ZNF804B: variants seen among roughly 807,000 people sequenced by gnomAD.
The protein encoded by ZNF804B is zinc finger 804B.
A neutral mutation model predicts 101.4 loss-of-function variants in ZNF804B; 80 were observed. The ratio of observed to expected loss-of-function variants is 0.79; its 90% CI spans 0.66 to 0.95. The LOEUF (loss-of-function observed/expected upper bound fraction) is 0.95, where lower values mean the gene tolerates loss of function less well. Ranked by LOEUF, ZNF804B falls within the 40% of genes least tolerant of loss-of-function variation. ZNF804B has a pLI of 0.00. For missense variants in ZNF804B, 1,673 were observed against 1,561.9 expected, an observed-to-expected ratio of 1.07 and a Z score of -1.20; for synonymous variants, 622 against 558.8, an observed-to-expected ratio of 1.11 and a Z score of -1.59.
chr7:89,168,517 C>A (rs1791175779), intron 1 of ZNF804B, among the ~76,000 whole-genome samples: 1 of 151,878 alleles, frequency 6.6e-6, no homozygotes, highest in African/African-American at 2.4e-5. Flanking sequence ...CTCAAAAGTC[C>A]TAATGGGCAA....
intron 1 of ZNF804B, among the ~76,000 whole-genome samples, chr7:88,937,200 A>G (rs538138254): frequency 6.6e-6 from 1 of 152,096 alleles, no homozygotes; most frequent in Admixed American, 6.6e-5. Flanking sequence ...AAAAACAAAT[A>G]ATGAAAAAGA....
chr7:88,989,555 A>C (rs1055489345), intron 1 of ZNF804B, among the ~76,000 whole-genome samples: 2 of 152,106 alleles, frequency 1.3e-5, no homozygotes, highest in African/African-American at 4.8e-5. Flanking sequence ...GCTCAGGCTT[A>C]GAGTTTCTAC....
At chr7:88,894,605 A>G (rs1443232562) in intron 1 of ZNF804B, among the ~76,000 whole-genome samples, 2 of 152,206 alleles carry the variant, frequency 1.3e-5, no homozygotes, top group African/African-American at 2.4e-5. Flanking sequence ...GAGGCAACCA[A>G]GATATCCTTC....
chr7:88,883,319 CTTTG>C (rs948914744), intron 1 of ZNF804B, among the ~76,000 whole-genome samples: 1 of 151,884 alleles, frequency 6.6e-6, no homozygotes, highest in Non-Finnish European at 1.5e-5. Flanking sequence ...TCCTTTTTTT[CTTTG>C]TCTTCCACGT....
chr7:89,119,814 A>C (rs1248874118), intron 1 of ZNF804B, among the ~76,000 whole-genome samples: 2 of 152,188 alleles, frequency 1.3e-5, no homozygotes, highest in African/African-American at 2.4e-5. Context: ...AAGACATAAA[A>C]ATCAATTAAA....
rs538318904 is a variant in ZNF804B, at chr7:89,017,266, G to A, written c.109-200889G>A. Among the ~76,000 whole-genome samples the A allele has an allele frequency of 2.9e-3, 437 of 152,200 alleles. 7 individuals are homozygous for A. The highest frequency in any genetic ancestry group is 4.1e-4 in the Non-Finnish European group (28 of 67,966). ...GACAATGGGGTTTTCTAGATATACAGTCATGTCATCTGCAAACAGGGACAA... is the reference window on the plus strand; with the variant it reads ...GACAATGGGGTTTTCTAGATATACAATCATGTCATCTGCAAACAGGGACAA... On this transcript the variant is annotated intron_variant, in intron 1 of 3. Transcript: ENST00000333190.
At chr7:89,267,416 A>G (rs924286279) in intron 2 of ZNF804B, among the ~76,000 whole-genome samples, 1 of 152,204 alleles carries the variant, frequency 6.6e-6, no homozygotes, top group Non-Finnish European at 1.5e-5. Flanking sequence ...CAAATTTGAA[A>G]AGACCAAAGC....
intron 1 of ZNF804B, among the ~76,000 whole-genome samples, chr7:89,000,618 C>T (rs1214553948): frequency 4.0e-5 from 6 of 151,822 alleles, no homozygotes. Flanking sequence ...AGTTTGTACT[C>T]TTTGACCATC....
At position 88,995,654 on chromosome 7, in the gene ZNF804B, A is replaced by G. The variant is rs912989966; in HGVS notation, c.109-222501A>G. Among the ~76,000 whole-genome samples the G allele has an allele frequency of 6.6e-5, 10 of 151,952 alleles. No individual in the cohort carries two copies. In the Admixed American group the frequency reaches 6.6e-4, roughly 10 times the overall value. On this transcript the variant is annotated intron_variant, in intron 1 of 3. Coordinates refer to ENST00000333190, the MANE Select transcript of ZNF804B (RefSeq NM_181646.5). ...ATAGAACATAACTCCTCACTCTTTA[A>G]GGGGGAGATGTGCTTCGTGACCTCC... is the stretch of plus-strand genomic sequence containing the variant.
chr7:88,991,972 T>C (rs1251326024), intron 1 of ZNF804B, among the ~76,000 whole-genome samples: 1 of 152,180 alleles, frequency 6.6e-6, no homozygotes, highest in Non-Finnish European at 1.5e-5. Flanking sequence ...TACGTTTATT[T>C]CCCTCCTTTG....
At chr7:89,094,342 A>G (rs1235268498) in intron 1 of ZNF804B, among the ~76,000 whole-genome samples, 1 of 152,146 alleles carries the variant, frequency 6.6e-6, no homozygotes, top group African/African-American at 2.4e-5. Flanking sequence ...GTGTGTATAT[A>G]TACATTTACT....
chr7:89,241,862 A>T (rs1222731739), intron 2 of ZNF804B, among the ~76,000 whole-genome samples: 1 of 151,062 alleles, frequency 6.6e-6, no homozygotes, highest in Non-Finnish European at 1.5e-5. Context: ...GTAATGTTCA[A>T]TGAATGGTTA....
At position 88,935,039 on chromosome 7, in the gene ZNF804B, G is replaced by A. The variant is rs777486691; in HGVS notation, c.108+174955G>A. 2.0e-5 allele frequency among the ~76,000 whole-genome samples: 3 copies of A among 150,322 alleles called. 1 individual carries two copies. Among genetic ancestry groups the A allele is most frequent in the Admixed American group, 1.3e-4 (2 of 15,048 alleles). ...TATATATAGATATATGTGTGTGTGT[G>A]TATATATATATACACACACACATAC... On this transcript the variant is annotated intron_variant, in intron 1 of 3. Transcript: ENST00000333190.
At chr7:89,104,037 G>A (rs1790098365) in intron 1 of ZNF804B, among the ~76,000 whole-genome samples, 1 of 152,006 alleles carries the variant, frequency 6.6e-6, no homozygotes, top group South Asian at 2.1e-4. Flanking sequence ...AATGTTAATT[G>A]ATTTGCATTT....
At chr7:89,189,223 T>C (rs1689863498) in intron 1 of ZNF804B, among the ~76,000 whole-genome samples, 2 of 152,144 alleles carry the variant, frequency 1.3e-5, no homozygotes, top group South Asian at 4.1e-4. Context: ...ACATCATGGC[T>C]TACTGAATAC....
intron 1 of ZNF804B, among the ~76,000 whole-genome samples, chr7:89,038,161 T>G (rs1210960513): frequency 6.6e-6 from 1 of 152,170 alleles, no homozygotes; most frequent in South Asian, 2.1e-4. Context: ...CCCCTTGATA[T>G]ACTGATTTTA....
chr7:88,910,841 A>C (rs1792539176), intron 1 of ZNF804B, among the ~76,000 whole-genome samples: 1 of 152,128 alleles, frequency 6.6e-6, no homozygotes, highest in Admixed American at 6.6e-5. Flanking sequence ...TGTTATCAGT[A>C]GTTGTAAAAC....
rs968210209 is a variant in ZNF804B, at chr7:89,148,447, T to A, written c.109-69708T>A. Among the ~76,000 whole-genome samples the A allele has an allele frequency of 5.3e-5, 8 of 152,054 alleles. No homozygotes were observed. In the East Asian group the frequency reaches 1.5e-3, roughly 29 times the overall value. On this transcript the variant is annotated intron_variant, in intron 1 of 3. Coordinates refer to ENST00000333190, the MANE Select transcript of ZNF804B (RefSeq NM_181646.5). ...AAGGAAAGAGAAATAGGCAAGGCAT[T>A]CATTCTCTTGGAAAATTCCATGTCA...
chr7:88,902,904 G>A (rs564163356), intron 1 of ZNF804B, among the ~76,000 whole-genome samples: 4 of 152,038 alleles, frequency 2.6e-5, no homozygotes, highest in South Asian at 2.1e-4. Context: ...TGTTTCAAAC[G>A]TAAAATGCCA....
Sources: gnomAD v4.1 joint callset for allele counts (sites outside exome capture counted in the v4.1 genomes callset) on GRCh38, gnomAD v4.1.1 for gene constraint, MANE v1.5 for transcripts, NCBI Gene and HGNC (gene_info 2026-07-23, HGNC 2026-07-21) for gene names.